SEMA6B: variants seen among roughly 807,000 people sequenced by gnomAD.
SEMA6B encodes semaphorin-6B.
A neutral mutation model predicts 78.6 loss-of-function variants in SEMA6B; 47 were observed. That is an observed-to-expected ratio of 0.60 (90% CI 0.47 to 0.76). The LOEUF (loss-of-function observed/expected upper bound fraction) is 0.76. SEMA6B is among the 30% of genes least tolerant of loss of function. The probability of loss-of-function intolerance (pLI) is 0.00; values close to 1 mark genes in which losing one functional copy is unlikely to be tolerated. For synonymous variants in SEMA6B, 632 were observed against 592.2 expected, an observed-to-expected ratio of 1.07 and a Z score of -0.98; for missense variants, 1,213 against 1,269.9, an observed-to-expected ratio of 0.96 and a Z score of 0.68.
At position 4,552,032 on chromosome 19, in the gene SEMA6B, C is replaced by T. The variant is rs896431712; in HGVS notation, c.989+390G>A. Among the ~76,000 whole-genome samples the T allele has an allele frequency of 6.6e-6, 1 of 152,130 alleles. No homozygotes were observed. The highest frequency in any genetic ancestry group is 1.5e-5 in the Non-Finnish European group (1 of 68,026). ...GTGCATTCTCCCCTAGTTCCCTTCC[C>T]ACACAGACTCTCTCACGATTACTTA... On this transcript the variant is annotated intron_variant, in intron 10 of 16. Coordinates refer to ENST00000586582, the MANE Select transcript of SEMA6B (RefSeq NM_032108.4). The surrounding 1 kb of genome is among the most constrained non-coding windows in gnomAD (Gnocchi z 7.4).
rs1306302384 is a variant in SEMA6B at position 4,552,480 on chromosome 19, C to T, written c.931G>A (p.Val311Met). The change falls in exon 10 of 17, where the codon GTG becomes ATG. Residue 311 changes from valine to methionine, a missense_variant. Transcript: ENST00000586582. This position sits in a 1 kb window ranked among gnomAD's most constrained non-coding sequence, Gnocchi z 7.4. Reference protein sequence around the residue: ...YFNVLQAVTGVVSLGGRPVVL... With the variant: ...YFNVLQAVTGMVSLGGRPVVL... ...ACGGGCCGGCCCCCGAGGCTGACCA[C>T]GCCCGTGACAGCCTGCAGCACGTTG... is the stretch of plus-strand genomic sequence containing the variant. 5.6e-6 allele frequency: 9 copies of T among 1,610,612 alleles called. No homozygotes were observed. The highest frequency in any genetic ancestry group is 1.7e-4 in the Middle Eastern group (1 of 6,056).
chr19:4,552,532 A>C lies in SEMA6B; in HGVS notation c.879T>G (p.Ser293=). Residue 293 remains serine, a synonymous_variant, in exon 10 of 17, where the codon TCT becomes TCG. Coordinates refer to ENST00000586582, the MANE Select transcript of SEMA6B (RefSeq NM_032108.4). This position sits in a 1 kb window ranked among gnomAD's most constrained non-coding sequence, Gnocchi z 7.4. The part of the protein sequence containing the change: ...TSFLKARLNC[S]VPGDSHFYFN... ...AGTAGAAATGGGAGTCTCCGGGTAC[A>C]GAGCAGTTGAGCCGCGCCTTCAGGA... The C allele has an allele frequency of 6.2e-7, 1 of 1,612,936 alleles. No individual in the cohort carries two copies. The highest frequency in any genetic ancestry group is 8.5e-7 in the Non-Finnish European group (1 of 1,179,984).
Position 4,543,374 on chromosome 19 carries a change from T to TGGGGGGGGCCCC in SEMA6B, c.*226_*227insGGGGCCCCCCCC. 1 of 363,596 alleles carries TGGGGGGGGCCCC rather than the reference T, an allele frequency of 2.8e-6. No individual in the cohort carries two copies. The allele number at this position is 363,596 out of a possible 1,614,324, so 22.5% of individuals were successfully genotyped here. ...CAACCTCAAATCCATAGCAAAGTCC[T>TGGGGGGGGCCCC]CCCGCCCACCCACCCCCAAACCGTC... On this transcript the variant is annotated 3_prime_UTR_variant, in exon 17 of 17. Transcript: ENST00000586582.
At chr19:4,553,499 T>TTA (rs1977389823) in intron 9 of SEMA6B, among the ~76,000 whole-genome samples, 1 of 70,546 alleles carries the variant, frequency 1.4e-5, no homozygotes, top group African/African-American at 6.3e-5. Context: ...TGGATGGGTG[T>TTA]GTGGGTGGAT....
At chr19:4,547,885 C>T (rs1023584490) in intron 14 of SEMA6B, 142 bp downstream of exon 14, 9 of 1,072,540 alleles carry the variant, frequency 8.4e-6, no homozygotes, top group Non-Finnish European at 9.0e-6. Context: ...TGGTCCTGCC[C>T]GCGGGCCTTT....
At chr19:4,554,520 A>C in intron 8 of SEMA6B, 44 bp from the exon 9 acceptor site, 1 of 1,501,046 alleles carries the variant, frequency 6.7e-7, no homozygotes, top group Non-Finnish European at 9.3e-7. Flanking sequence ...GACATGACAA[A>C]GGGGGTTTCT....
intron 12 of SEMA6B, among the ~76,000 whole-genome samples, chr19:4,549,564 C>T (rs569978906): frequency 3.9e-5 from 6 of 152,154 alleles, no homozygotes; most frequent in East Asian, 1.9e-4. Context: ...CTGCAAGCTC[C>T]GCCTCCCGGG....
In SEMA6B at chr19:4,558,283, AC is replaced by A; in HGVS notation, c.121+53del. On this transcript the variant is annotated intron_variant, in intron 2 of 16. Coordinates refer to ENST00000586582, the MANE Select transcript of SEMA6B (RefSeq NM_032108.4). This position sits in a 1 kb window ranked among gnomAD's most constrained non-coding sequence, Gnocchi z 5.1. ...GTGGGGGCAGCAGACCCAACTGGGAACCCAGATACTCCCACGGGACTCCACC... is the reference window on the plus strand; with the variant it reads ...GTGGGGGCAGCAGACCCAACTGGGAACCAGATACTCCCACGGGACTCCACC... 1.5e-6 allele frequency: 2 copies of A among 1,309,970 alleles called. No individual in the cohort carries two copies. Among genetic ancestry groups the A allele is most frequent in the Non-Finnish European group, 2.0e-6 (2 of 1,019,342 alleles). 81.1% of individuals were successfully genotyped at this position (1,309,970 alleles called of 1,614,324 possible). A position where few individuals can be genotyped will look rare whatever the true frequency, so the allele number is the denominator to read the frequency against.
intron 5 of SEMA6B, 23 bp from the exon 6 acceptor site, chr19:4,556,112 C>A (rs1052598631): frequency 1.3e-6 from 2 of 1,564,094 alleles, no homozygotes; most frequent in Admixed American, 1.7e-5. Context: ...CAGGAGGAAG[C>A]GGGGAGCGCG....
rs1182624476 is a variant in SEMA6B at position 4,550,371 on chromosome 19, GT to G, written c.1122-100del. 5 of 1,347,648 alleles carry G rather than the reference GT, an allele frequency of 3.7e-6. No individual in the cohort carries two copies. Among genetic ancestry groups the G allele is most frequent in the South Asian group, 1.3e-5 (1 of 79,690 alleles). The allele number at this position is 1,347,648 out of a possible 1,614,324, so 83.5% of individuals were successfully genotyped here. On this transcript the variant is annotated intron_variant, in intron 11 of 16. Transcript: ENST00000586582. The surrounding 1 kb of genome is among the most constrained non-coding windows in gnomAD (Gnocchi z 6.6). ...CATTGCTTTGCCCAACGACCCTCAG[GT>G]TTTTTGTTTGTTTTGTTTTTGAGAC... is the stretch of plus-strand genomic sequence containing the variant.
At chr19:4,556,867 G>A in intron 5 of SEMA6B, 84 bp downstream of exon 5, 1 of 1,298,850 alleles carries the variant, frequency 7.7e-7, no homozygotes, top group Non-Finnish European at 1.1e-6. Flanking sequence ...GGCGGGGTGG[G>A]CGTGGCCTGG....
In SEMA6B at chr19:4,544,291, C is replaced by A; in HGVS notation, c.1977G>T (p.Ala659=). The A allele has an allele frequency of 1.4e-6, 2 of 1,440,006 alleles. No homozygotes were observed. The highest frequency in any genetic ancestry group is 9.1e-7 in the Non-Finnish European group (1 of 1,102,946). 89.2% of individuals were successfully genotyped at this position (1,440,006 alleles called of 1,614,324 possible). ...CTCCGCCCCGGCCCCCGGGACCCTG[C>A]GCCCTGCGCTCGCCCAGGCGGCTGA... ...LSVSRLGERR[A]QGPGGRGGGG... Residue 659 remains alanine, a synonymous_variant, in exon 17 of 17, where the codon GCG becomes GCT. Coordinates refer to ENST00000586582, the MANE Select transcript of SEMA6B (RefSeq NM_032108.4). The surrounding 1 kb of genome is among the most constrained non-coding windows in gnomAD (Gnocchi z 5.1).
chr19:4,551,240 G>A (rs563800387), intron 10 of SEMA6B, among the ~76,000 whole-genome samples: 1 of 144,476 alleles, frequency 6.9e-6, no homozygotes, highest in South Asian at 2.2e-4. Flanking sequence ...TTTTTTTGGA[G>A]ACCGAGTCTT....
At position 4,542,596 on chromosome 19, in the gene SEMA6B, T is replaced by C. The variant is rs1366424354; in HGVS notation, c.*1005A>G. ...GAGCCAGAGTCATGGGGGCCGGTGG[T>C]TGTAAACAGAGTTTTATTGATGGGG... On this transcript the variant is annotated 3_prime_UTR_variant, in exon 17 of 17. Transcript: ENST00000586582. 6.6e-6 allele frequency: 3 copies of C among 452,652 alleles called. No homozygotes were observed. The highest frequency in any genetic ancestry group is 1.2e-5 in the Non-Finnish European group (3 of 241,478). The allele number at this position is 452,652 out of a possible 1,614,324, so 28.0% of individuals were successfully genotyped here.
At chr19:4,556,832 G>GGTGGGTTGGGGC in intron 5 of SEMA6B, 119 bp downstream of exon 5, 2 of 890,996 alleles carry the variant, frequency 2.2e-6, no homozygotes, top group South Asian at 3.1e-5. Context: ...GCTGATTGGG[G>GGTGGGTTGGGGC]GTGGGTTGGG....
intron 12 of SEMA6B, among the ~76,000 whole-genome samples, chr19:4,549,284 T>G (rs1396236102): frequency 6.7e-6 from 1 of 149,904 alleles, no homozygotes; most frequent in Non-Finnish European, 1.5e-5. Context: ...CTGGTGTGTG[T>G]CTGTCTGTCT....
At chr19:4,545,213 C>T (rs961338810) in intron 16 of SEMA6B, among the ~76,000 whole-genome samples, 21 of 151,500 alleles carry the variant, frequency 1.4e-4, no homozygotes, top group African/African-American at 4.4e-4. Flanking sequence ...TGGTGGTGTG[C>T]GCCTGTAATC....
chr19:4,546,144 T>C (rs1977157870), intron 16 of SEMA6B, 72 bp downstream of exon 16: 1 of 1,450,464 alleles, frequency 6.9e-7, no homozygotes, highest in Non-Finnish European at 9.2e-7. Context: ...TCGAGGGTCC[T>C]CCAGCCTCCT....
intron 12 of SEMA6B, among the ~76,000 whole-genome samples, chr19:4,549,642 C>A (rs1012897241): frequency 6.6e-6 from 1 of 152,182 alleles, no homozygotes; most frequent in Non-Finnish European, 1.5e-5. Context: ...CCACGCCCAG[C>A]TAATTTTTTG....
Sources: gnomAD v4.1 joint callset for allele counts (sites outside exome capture counted in the v4.1 genomes callset) on GRCh38, gnomAD v4.1.1 for gene constraint, Gnocchi (gnomAD v3.1) non-coding constraint, MANE v1.5 for transcripts, NCBI Gene and HGNC (gene_info 2026-07-23, HGNC 2026-07-21) for gene names.